SPPL3: variants seen among roughly 807,000 people sequenced by gnomAD.
SPPL3 encodes the protein signal peptide peptidase-like 3.
SPPL3 carries 5 observed loss-of-function variants against 42.4 expected under a neutral mutation model. That is an observed-to-expected ratio of 0.12 (90% CI 0.06 to 0.25). SPPL3 has a LOEUF of 0.25. Among genes scored for constraint, SPPL3 ranks in the 10% least tolerant of loss-of-function variants. SPPL3 has a pLI of 1.00. For synonymous variants in SPPL3, 195 were observed against 181.8 expected (o/e 1.07, Z -0.58); for missense variants, 235 against 489.0 (o/e 0.48, Z 4.90).
chr12:120,805,475 G>T (rs1335723519), intron 2 of SPPL3, among the ~76,000 whole-genome samples: 6 of 152,218 alleles, frequency 3.9e-5, no homozygotes, highest in African/African-American at 1.2e-4. Context: ...GGCAAGGATG[G>T]ATGTGTGCCT....
intron 1 of SPPL3, among the ~76,000 whole-genome samples, chr12:120,883,565 T>G (rs1873358247): frequency 1.3e-5 from 2 of 152,064 alleles, no homozygotes; most frequent in Non-Finnish European, 1.5e-5. Context: ...TACAAGAATG[T>G]TCACAAGACT....
chr12:120,785,401 A>C (rs1717808628), intron 3 of SPPL3, among the ~76,000 whole-genome samples: 1 of 152,142 alleles, frequency 6.6e-6, no homozygotes, highest in African/African-American at 2.4e-5. Context: ...AAAATTACAA[A>C]GCCCAGGTCC....
intron 1 of SPPL3, among the ~76,000 whole-genome samples, chr12:120,897,319 G>A (rs1257007513): frequency 4.6e-5 from 7 of 152,154 alleles, no homozygotes; most frequent in African/African-American, 1.4e-4. Context: ...TGAGGAAAAT[G>A]ATTTAAATAT....
At chr12:120,802,874 T>C (rs972712898) in intron 2 of SPPL3, among the ~76,000 whole-genome samples, 1 of 152,244 alleles carries the variant, frequency 6.6e-6, no homozygotes, top group Non-Finnish European at 1.5e-5. Flanking sequence ...AACAACATCC[T>C]GTTGCCCACT....
chr12:120,904,086 G>A lies in SPPL3; in HGVS notation c.-219C>T. The A allele has an allele frequency of 9.3e-6, 3 of 324,156 alleles. No homozygotes were observed. The highest frequency in any genetic ancestry group is 1.7e-5 in the Non-Finnish European group (3 of 180,162). 20.1% of individuals were successfully genotyped at this position (324,156 alleles called of 1,614,324 possible). A position where few individuals can be genotyped will look rare whatever the true frequency, so the allele number is the denominator to read the frequency against. ...TGGGCCCCGGGGCGGGGCGGGCTCC[G>A]CTCTCGGCCTCCCTCACCCGCGGCG... On this transcript the variant is annotated 5_prime_UTR_variant, in exon 1 of 11. Coordinates refer to ENST00000353487, the MANE Select transcript of SPPL3 (RefSeq NM_139015.5).
intron 5 of SPPL3, among the ~76,000 whole-genome samples, chr12:120,782,994 T>C (rs1869595259): frequency 6.6e-6 from 1 of 152,220 alleles, no homozygotes; most frequent in Non-Finnish European, 1.5e-5. Context: ...CATGGGCATT[T>C]AGAAGTTTGA....
intron 1 of SPPL3, among the ~76,000 whole-genome samples, chr12:120,819,422 G>A (rs563847902): frequency 6.6e-6 from 1 of 152,140 alleles, no homozygotes; most frequent in East Asian, 1.9e-4. Context: ...TACCATTCTT[G>A]GGGCTTATGG....
At chr12:120,896,548 G>A (rs1873809025) in intron 1 of SPPL3, among the ~76,000 whole-genome samples, 1 of 152,108 alleles carries the variant, frequency 6.6e-6, no homozygotes, top group African/African-American at 2.4e-5. Flanking sequence ...GGCTGAGGCA[G>A]GTGGATCACA....
intron 2 of SPPL3, among the ~76,000 whole-genome samples, chr12:120,808,038 A>G (rs775693517): frequency 6.6e-6 from 1 of 151,578 alleles, no homozygotes; most frequent in Non-Finnish European, 1.5e-5. Context: ...ATCTTTGTCA[A>G]GTTACATCAA....
intron 1 of SPPL3, among the ~76,000 whole-genome samples, chr12:120,883,164 G>A (rs1017223056): frequency 1.3e-5 from 2 of 151,958 alleles, no homozygotes; most frequent in Non-Finnish European, 2.9e-5. Context: ...AATTAGCCAG[G>A]CGTGGTGGCG....
At chr12:120,830,629 G>A (rs1301677424) in intron 1 of SPPL3, among the ~76,000 whole-genome samples, 2 of 143,068 alleles carry the variant, frequency 1.4e-5, no homozygotes, top group Non-Finnish European at 3.0e-5. Context: ...ATATGTTGGG[G>A]AGAGCAAGGG....
intron 1 of SPPL3, among the ~76,000 whole-genome samples, chr12:120,877,253 T>TC (rs1199835582): frequency 6.6e-6 from 1 of 152,016 alleles, no homozygotes; most frequent in East Asian, 1.9e-4. Context: ...CAAAGAAAAC[T>TC]CCAAGTCCAG....
intron 1 of SPPL3, among the ~76,000 whole-genome samples, chr12:120,866,367 G>C (rs902330477): frequency 2.0e-5 from 3 of 152,154 alleles, no homozygotes; most frequent in African/African-American, 7.2e-5. Context: ...CTGGGAATCC[G>C]TGTAACAACA....
intron 6 of SPPL3, 112 bp from the exon 7 acceptor site, chr12:120,769,171 A>G: frequency 1.3e-6 from 1 of 770,158 alleles, no homozygotes; most frequent in Non-Finnish European, 2.1e-6. Flanking sequence ...AAAATCAGGC[A>G]GCCCTAAGCT....
rs1868957881 is a variant in SPPL3 at position 120,767,527 on chromosome 12, G to A, written c.840C>T (p.Cys280=). The A allele has an allele frequency of 1.2e-6, 2 of 1,614,242 alleles. No individual in the cohort carries two copies. The highest frequency in any genetic ancestry group is 1.7e-4 in the Middle Eastern group (1 of 6,060). Residue 280 remains cysteine (C), a synonymous_variant, in exon 9 of 11, where the codon TGC becomes TGT. Coordinates refer to ENST00000353487, the MANE Select transcript of SPPL3 (RefSeq NM_139015.5). ...TGTAGTTGTCATAGCGAAGGACAAA[G>A]CATAGTAGGAGACCAGGCATAACGA... ...GDIVMPGLLL[C]FVLRYDNYKK...
intron 2 of SPPL3, among the ~76,000 whole-genome samples, chr12:120,792,576 G>A (rs544691846): frequency 3.3e-5 from 5 of 151,606 alleles, no homozygotes; most frequent in Admixed American, 2.0e-4. Context: ...GGTGCGTGCC[G>A]GTAGTTCCAG....
intron 1 of SPPL3, among the ~76,000 whole-genome samples, chr12:120,821,916 A>T (rs1444137270): frequency 6.6e-6 from 1 of 152,216 alleles, no homozygotes; most frequent in African/African-American, 2.4e-5. Context: ...ATTCATCCTT[A>T]AAAAAGAAGA....
intron 1 of SPPL3, among the ~76,000 whole-genome samples, chr12:120,827,252 A>G (rs952731107): frequency 6.6e-6 from 1 of 151,592 alleles, no homozygotes; most frequent in South Asian, 2.1e-4. Flanking sequence ...TTTAAAAACT[A>G]TCCAAGAAGC....
intron 2 of SPPL3, among the ~76,000 whole-genome samples, chr12:120,797,393 G>A (rs1023357422): frequency 1.3e-5 from 2 of 152,104 alleles, no homozygotes; most frequent in Admixed American, 6.5e-5. Flanking sequence ...ATAGTTTGAC[G>A]GGAAAATAAG....
Sources: gnomAD v4.1 joint callset for allele counts (sites outside exome capture counted in the v4.1 genomes callset) on GRCh38, gnomAD v4.1.1 for gene constraint, MANE v1.5 for transcripts, NCBI Gene and HGNC (gene_info 2026-07-23, HGNC 2026-07-21) for gene names.